The following ARMC12 variants were observed in gnomAD, a reference collection of about 807,000 sequenced individuals.
The protein encoded by ARMC12 is armadillo repeat-containing protein 12.
Under a neutral mutation model 37.4 loss-of-function variants are expected in ARMC12, and 25 were observed. The ratio of observed to expected loss-of-function variants is 0.67; its 90% confidence interval spans 0.49 to 0.93. The LOEUF (loss-of-function observed/expected upper bound fraction) is 0.93. Among genes scored for constraint, ARMC12 ranks in the 40% least tolerant of loss-of-function variants. The probability of loss-of-function intolerance (pLI) is 0.00; values close to 1 mark genes in which losing one functional copy is unlikely to be tolerated. For missense variants in ARMC12, 384 were observed against 426.6 expected, an observed-to-expected ratio of 0.90 and a Z score of 0.88; for synonymous variants, 167 against 176.1, an observed-to-expected ratio of 0.95 and a Z score of 0.41.
At chr6:35,745,703 A>G (rs1021954832) in intron 3 of ARMC12, among the ~76,000 whole-genome samples, 1 of 152,244 alleles carries the variant, frequency 6.6e-6, no homozygotes, top group Non-Finnish European at 1.5e-5. Flanking sequence ...TGAAGAGCAC[A>G]TGGGACCTCG....
At chr6:35,732,049 C>CG (rs1429159780), upstream of ARMC12, among the ~76,000 whole-genome samples, 1 of 147,096 alleles carries the variant, frequency 6.8e-6, no homozygotes, top group South Asian at 2.1e-4. Flanking sequence ...CGGATGCGCG[C>CG]GGGGGGAGGA....
chr6:35,735,559 C>A (rs1266013518), upstream of ARMC12, among the ~76,000 whole-genome samples: 1 of 152,108 alleles, frequency 6.6e-6, no homozygotes, highest in Non-Finnish European at 1.5e-5. The surrounding 1 kb of genome is among the most constrained non-coding windows in gnomAD (Gnocchi z 4.0). Context: ...GGGTGCAGCC[C>A]AGGACCCAGA....
chr6:35,740,410 C>A (rs1312421742), intron 3 of ARMC12, among the ~76,000 whole-genome samples: 2 of 152,178 alleles, frequency 1.3e-5, no homozygotes, highest in South Asian at 4.1e-4. Flanking sequence ...TCCGCTCCCC[C>A]ATCAGCATGC....
intron 3 of ARMC12, among the ~76,000 whole-genome samples, chr6:35,744,392 G>A (rs775955309): frequency 5.9e-5 from 9 of 152,012 alleles, no homozygotes; most frequent in Non-Finnish European, 1.2e-4. Flanking sequence ...CGCCCACCTC[G>A]ACCTCCCAAA....
chr6:35,745,908 C>T (rs1488259530), intron 3 of ARMC12, among the ~76,000 whole-genome samples: 1 of 151,952 alleles, frequency 6.6e-6, no homozygotes, highest in Non-Finnish European at 1.5e-5. Flanking sequence ...TAGTTGAGCA[C>T]GGTGGCGTAC....
intron 1 of ARMC12, 197 bp downstream of exon 1, chr6:35,737,468 C>G: frequency 6.7e-7 from 1 of 1,487,176 alleles, no homozygotes; most frequent in East Asian, 2.3e-5. Context: ...GTCCCTGGAT[C>G]TCACTCAAGT....
At chr6:35,743,789 T>C (rs1767250357) in intron 3 of ARMC12, among the ~76,000 whole-genome samples, 1 of 151,740 alleles carries the variant, frequency 6.6e-6, no homozygotes, top group Non-Finnish European at 1.5e-5. Context: ...GTGATGCAGT[T>C]TTCAAGAAGA....
chr6:35,733,812 T>C (rs1414683555), upstream of ARMC12: 1 of 152,300 alleles, frequency 6.6e-6, no homozygotes, highest in Non-Finnish European at 1.5e-5. Flanking sequence ...GAACTGGTTT[T>C]GAACCCTGCC....
At chr6:35,744,515 G>A (rs1165779045) in intron 3 of ARMC12, among the ~76,000 whole-genome samples, 2 of 151,672 alleles carry the variant, frequency 1.3e-5, no homozygotes, top group Non-Finnish European at 3.0e-5. Flanking sequence ...AAAACTGAAT[G>A]TTAGGCCAGG....
intron 3 of ARMC12, among the ~76,000 whole-genome samples, chr6:35,739,124 C>G (rs897746867): frequency 1.3e-5 from 2 of 152,176 alleles, no homozygotes; most frequent in Non-Finnish European, 2.9e-5. Context: ...GGGCGCGGAG[C>G]TTCCAGGCCT....
Position 35,747,434 on chromosome 6 carries a change from G to C in ARMC12, c.618G>C (p.Gln206His). The C allele has an allele frequency of 6.2e-7, 1 of 1,614,184 alleles. No individual in the cohort carries two copies. Among genetic ancestry groups the C allele is most frequent in the East Asian group, 2.2e-5 (1 of 44,882 alleles). ...TGCAGTCAGACTACATCCTGGCACAGGTGCCTGAGGACCATGGCCAAGGCC... is the reference window on the plus strand; with the variant it reads ...TGCAGTCAGACTACATCCTGGCACACGTGCCTGAGGACCATGGCCAAGGCC... ...EILQSDYILA[Q>H]VQAVRLLSYL... Residue 206 changes from glutamine to histidine, a missense_variant and splice_region_variant, in exon 4 of 6, where the codon CAG becomes CAC. Physicochemically the swap from Gln to His is conservative, Grantham distance 24. Coordinates refer to ENST00000373866, the MANE Select transcript of ARMC12 (RefSeq NM_001286574.2).
In ARMC12 at chr6:35,738,029, CTGGCAGTCG is replaced by C. The variant is rs1393349351; in HGVS notation, c.167_175del (p.Leu56_Glu59delinsGln). ...ACTGGGCTGGGGTGGCTGTCTAGGC[CTGGCAGTCG>C]AGCGAGAGCGGCACGGGCGGGACTC... On this transcript the variant is annotated inframe_deletion, in exon 2 of 6. Coordinates refer to ENST00000373866, the MANE Select transcript of ARMC12 (RefSeq NM_001286574.2). 1 of 1,613,072 alleles carries C rather than the reference CTGGCAGTCG, an allele frequency of 6.2e-7. No homozygotes were observed. The highest frequency in any genetic ancestry group is 1.1e-5 in the South Asian group (1 of 91,084).
intron 3 of ARMC12, among the ~76,000 whole-genome samples, chr6:35,746,238 G>T (rs1006557365): frequency 2.6e-5 from 4 of 152,066 alleles, no homozygotes; most frequent in Admixed American, 2.6e-4. Flanking sequence ...AGGTGTGAGA[G>T]TGAGTTGTGA....
At chr6:35,747,455 A>G (rs1767375895) in intron 4 of ARMC12, 21 bp downstream of exon 4, 2 of 1,614,108 alleles carry the variant, frequency 1.2e-6, no homozygotes, top group South Asian at 1.1e-5. Context: ...ACCATGGCCA[A>G]GGCCCTGCCT....
the ARMC12 span, among the ~76,000 whole-genome samples, chr6:35,731,619 G>C: frequency 1.3e-5 from 2 of 152,086 alleles, no homozygotes; most frequent in South Asian, 2.1e-4. Flanking sequence ...GCCTCCCGCC[G>C]GGCCAGCATC....
At chr6:35,738,614 T>A in intron 3 of ARMC12, 96 bp downstream of exon 3, 1 of 1,493,822 alleles carries the variant, frequency 6.7e-7, no homozygotes, top group Non-Finnish European at 9.0e-7. Flanking sequence ...CAGAAGTTTG[T>A]TTGGGTGTGA....
intron 1 of ARMC12, among the ~76,000 whole-genome samples, chr6:35,737,596 C>T (rs745441887): frequency 3.3e-5 from 5 of 152,170 alleles, no homozygotes; most frequent in Non-Finnish European, 7.3e-5. Flanking sequence ...GCCCTAGGAA[C>T]GTGAGGCTTT....
intron 2 of ARMC12, 98 bp from the exon 3 acceptor site, chr6:35,738,286 T>TC (rs369248958): frequency 1.1e-4 from 112 of 1,063,320 alleles, no homozygotes; most frequent in Non-Finnish European, 1.3e-4. Context: ...CTGATAGCGG[T>TC]GGGGGGGGGG....
chr6:35,738,423 T>C lies in ARMC12; in HGVS notation c.349T>C (p.Tyr117His). 1 of 1,613,904 alleles carries C rather than the reference T, an allele frequency of 6.2e-7. No homozygotes were observed. Among genetic ancestry groups the C allele is most frequent in the Non-Finnish European group, 8.5e-7 (1 of 1,179,986 alleles). ...TACGGATGACATCGTGTTGCTGGGC[T>C]ACATGCTGGATGACAAGGACAACAG... ...CTTDDIVLLG[Y>H]MLDDKDNSVK... is the part of the protein sequence containing the mutation. The change falls in exon 3 of 6, where the codon TAC becomes CAC. Residue 117 changes from tyrosine (Y) to histidine (H), a missense_variant. Tyr to His is a moderately conservative substitution (Grantham distance 83, BLOSUM62 2). Transcript: ENST00000373866.
Sources: allele counts gnomAD v4.1 joint callset (sites outside exome capture counted in the v4.1 genomes callset), GRCh38; gene constraint gnomAD v4.1.1; non-coding constraint Gnocchi (gnomAD v3.1); transcripts MANE v1.5; gene names NCBI Gene and HGNC (gene_info 2026-07-23, HGNC 2026-07-21).